NIPSNAP1: variants seen among roughly 807,000 people sequenced by gnomAD.
NIPSNAP1 encodes the protein nipsnap homolog 1.
Under a neutral mutation model 49.2 loss-of-function variants are expected in NIPSNAP1, and 25 were observed. The ratio of observed to expected loss-of-function variants is 0.51; its 90% confidence interval spans 0.37 to 0.71. The LOEUF (loss-of-function observed/expected upper bound fraction) is 0.71. Among genes scored for constraint, NIPSNAP1 ranks in the 30% least tolerant of loss-of-function variants. The pLI is 0.00. For synonymous variants in NIPSNAP1, 143 were observed against 140.7 expected (o/e 1.02, Z -0.12); for missense variants, 294 against 361.0 (o/e 0.81, Z 1.50).
intron 4 of NIPSNAP1, 105 bp downstream of exon 4, chr22:29,569,088 C>T: frequency 1.2e-6 from 1 of 857,632 alleles, no homozygotes; most frequent in Non-Finnish European, 1.9e-6. Context: ...GTAAGAGCCC[C>T]ACCAGGTGCT....
chr22:29,569,399 C>T (rs1356780909), intron 3 of NIPSNAP1, 112 bp from the exon 4 acceptor site: 34 of 783,040 alleles, frequency 4.3e-5, no homozygotes, highest in Non-Finnish European at 6.6e-5. Context: ...GACTCTCCAT[C>T]TCTAAAATGC....
chr22:29,560,688 A>C (rs2064329025), intron 8 of NIPSNAP1, 46 bp downstream of exon 8: 3 of 1,479,714 alleles, frequency 2.0e-6, no homozygotes, highest in African/African-American at 1.4e-5. Context: ...GAGTGATGAC[A>C]GAGAAAGAGA....
intron 4 of NIPSNAP1, among the ~76,000 whole-genome samples, chr22:29,566,749 G>T (rs1047232695): frequency 6.6e-6 from 1 of 152,026 alleles, no homozygotes; most frequent in African/African-American, 2.4e-5. Context: ...ATCTGAGCCC[G>T]GGAGGTCAAG....
intron 9 of NIPSNAP1, among the ~76,000 whole-genome samples, chr22:29,558,319 A>C (rs2064310028): frequency 6.6e-6 from 1 of 151,822 alleles, no homozygotes; most frequent in South Asian, 2.1e-4. Flanking sequence ...AAAATACAAA[A>C]TTAGCTGGAC....
intron 4 of NIPSNAP1, among the ~76,000 whole-genome samples, chr22:29,568,886 G>A (rs920032388): frequency 1.3e-5 from 2 of 152,204 alleles, no homozygotes; most frequent in African/African-American, 4.8e-5. Flanking sequence ...GCAGTAGTCT[G>A]GAACTAAAGA....
intron 9 of NIPSNAP1, among the ~76,000 whole-genome samples, chr22:29,558,341 C>T (rs753634904): frequency 2.0e-5 from 3 of 152,048 alleles, no homozygotes; most frequent in South Asian, 2.1e-4. Flanking sequence ...TGGTGACACA[C>T]GCCTGTAATC....
In NIPSNAP1 at chr22:29,576,741, T is replaced by C. The variant is rs1441589567; in HGVS notation, c.98+4244A>G. Reference sequence around the variant, plus strand: ...GAGTTCAAGACCAGCCTGGCCAAGATGGTGAAACCCCGTCTGTACTAAAAA... The same window carrying C: ...GAGTTCAAGACCAGCCTGGCCAAGACGGTGAAACCCCGTCTGTACTAAAAA... On this transcript the variant is annotated intron_variant, in intron 1 of 9. Coordinates refer to ENST00000216121, the MANE Select transcript of NIPSNAP1 (RefSeq NM_003634.4). 2.0e-5 allele frequency among the ~76,000 whole-genome samples: 3 copies of C among 151,414 alleles called. No individual in the cohort carries two copies. The South Asian group carries it at 6.2e-4, about 31-fold the overall frequency.
chr22:29,562,708 A>G (rs1279196936), intron 4 of NIPSNAP1, among the ~76,000 whole-genome samples: 2 of 152,080 alleles, frequency 1.3e-5, no homozygotes, highest in East Asian at 3.9e-4. Flanking sequence ...AAAGAGATTG[A>G]CAGTAGATGC....
intron 4 of NIPSNAP1, among the ~76,000 whole-genome samples, chr22:29,568,661 A>G (rs9613958): frequency 0.24 from 36,372 of 151,836 alleles, 4,464 homozygotes; most frequent in Non-Finnish European, 0.28. Flanking sequence ...GCGTGGTGGC[A>G]CATGCCTGTA....
intron 1 of NIPSNAP1, among the ~76,000 whole-genome samples, chr22:29,574,603 A>T (rs1015793690): frequency 8.5e-5 from 13 of 152,148 alleles, no homozygotes; most frequent in Middle Eastern, 3.4e-3. Flanking sequence ...ACATGGTGAA[A>T]CTCAGTCTCT....
At chr22:29,570,085 A>G in intron 3 of NIPSNAP1, 77 bp downstream of exon 3, 2 of 1,120,810 alleles carry the variant, frequency 1.8e-6, no homozygotes, top group South Asian at 2.5e-5. Context: ...AACAGGGTGG[A>G]GGATGTTCCG....
At chr22:29,576,004 A>G (rs1298646833) in intron 1 of NIPSNAP1, among the ~76,000 whole-genome samples, 2 of 136,422 alleles carry the variant, frequency 1.5e-5, no homozygotes, top group African/African-American at 5.5e-5. Context: ...ATGAGCTACC[A>G]CACTTGGCCT....
At position 29,570,206 on chromosome 22, in the gene NIPSNAP1, A is replaced by G. The variant is rs758774275; in HGVS notation, c.228T>C (p.Phe76=). 11 of 1,613,960 alleles carry G rather than the reference A, an allele frequency of 6.8e-6. No homozygotes were observed. Among genetic ancestry groups the G allele is most frequent in the Non-Finnish European group, 9.3e-6 (11 of 1,180,002 alleles). The change falls in exon 3 of 10, where the codon TTT becomes TTC. Residue 76 remains phenylalanine (F), a splice_region_variant and synonymous_variant. Coordinates refer to ENST00000216121, the MANE Select transcript of NIPSNAP1 (RefSeq NM_003634.4). The part of the protein sequence containing the change: ...KETSNLYKIQ[F]HNVKPEYLDA... Reference sequence around the variant, plus strand: ...CCAGGTATTCAGGCTTTACATTGTGAACTGCAACAGAGGACAGAGAACAAG... The same window carrying G: ...CCAGGTATTCAGGCTTTACATTGTGGACTGCAACAGAGGACAGAGAACAAG...
intron 6 of NIPSNAP1, 24 bp downstream of exon 6, chr22:29,561,482 A>AG (rs1569245552): frequency 3.1e-6 from 5 of 1,613,540 alleles, no homozygotes; most frequent in Non-Finnish European, 4.2e-6. Context: ...GGGGGGCAGG[A>AG]GGGGGTCTGT....
intron 4 of NIPSNAP1, among the ~76,000 whole-genome samples, chr22:29,566,164 T>C (rs1273988062): frequency 6.6e-6 from 1 of 151,738 alleles, no homozygotes; most frequent in Non-Finnish European, 1.5e-5. Context: ...TTTCTTCTTT[T>C]TTTTTTAATA....
At chr22:29,573,863 C>T (rs1041669609) in intron 1 of NIPSNAP1, among the ~76,000 whole-genome samples, 3 of 151,604 alleles carry the variant, frequency 2.0e-5, no homozygotes, top group Non-Finnish European at 4.4e-5. Context: ...CGCTTGAACC[C>T]AGGAGGCGTA....
Position 29,578,432 on chromosome 22 carries a change from G to A in NIPSNAP1, c.98+2553C>T, listed in dbSNP as rs913884108. Reference sequence around the variant, plus strand: ...AGCAATCCTCCCACCTTGGCCTACCGAAGTGTTGGGATTACAGGCGTGAGC... The same window carrying A: ...AGCAATCCTCCCACCTTGGCCTACCAAAGTGTTGGGATTACAGGCGTGAGC... On this transcript the variant is annotated intron_variant, in intron 1 of 9. Coordinates refer to ENST00000216121, the MANE Select transcript of NIPSNAP1 (RefSeq NM_003634.4). Among the ~76,000 whole-genome samples, 17 of 151,094 alleles carry A rather than the reference G, an allele frequency of 1.1e-4. 2 individuals are homozygous for A. The highest frequency in any genetic ancestry group is 3.2e-4 in the African/African-American group (13 of 40,502).
At position 29,555,757 on chromosome 22, in the gene NIPSNAP1, G is replaced by T; in HGVS notation, c.*178C>A. On this transcript the variant is annotated 3_prime_UTR_variant, in exon 10 of 10. Transcript: ENST00000216121. ...CAGGCAGGGAAAGTAGAAAGGGCCT[G>T]GGCAGAGCTGTAATCCTCAGAACTT... The T allele has an allele frequency of 1.5e-6, 1 of 669,780 alleles. No homozygotes were observed. The allele number at this position is 669,780 out of a possible 1,614,324, so 41.5% of individuals were successfully genotyped here. A position where few individuals can be genotyped will look rare whatever the true frequency, so the allele number is the denominator to read the frequency against.
chr22:29,563,134 C>T (rs909489966), intron 4 of NIPSNAP1, among the ~76,000 whole-genome samples: 26 of 150,420 alleles, frequency 1.7e-4, no homozygotes, highest in Admixed American at 6.7e-4. Flanking sequence ...GGTGTGGTGG[C>T]ACATGCCTAT....
Sources: gnomAD v4.1 joint callset for allele counts (sites outside exome capture counted in the v4.1 genomes callset) on GRCh38, gnomAD v4.1.1 for gene constraint, MANE v1.5 for transcripts, NCBI Gene and HGNC (gene_info 2026-07-23, HGNC 2026-07-21) for gene names.